Variants in LOXHD1 observed in about 807,000 individuals in gnomAD.
The protein encoded by LOXHD1 is lipoxygenase homology PLAT domains 1, also known as lipoxygenase homology domain-containing protein 1.
In LOXHD1, 205 loss-of-function variants were observed where a neutral mutation model predicts 248.2. That is an observed-to-expected ratio of 0.83 (90% confidence interval 0.74 to 0.93). LOXHD1 has a LOEUF of 0.93. Ranked by LOEUF, LOXHD1 falls within the 40% of genes least tolerant of loss-of-function variation. The pLI is 0.00. For missense variants in LOXHD1, 2,930 were observed against 2,971.6 expected (o/e 0.99, Z 0.33); for synonymous variants, 1,113 against 1,162.8 (o/e 0.96, Z 0.87).
At chr18:46,588,170 T>G (rs1255421000) in intron 12 of LOXHD1, among the ~76,000 whole-genome samples, 1 of 151,858 alleles carries the variant, frequency 6.6e-6, no homozygotes, top group East Asian at 1.9e-4. Context: ...AAAGGAGATA[T>G]GAGTACTTGT....
At chr18:46,517,503 T>C (rs2035317584) in intron 34 of LOXHD1, among the ~76,000 whole-genome samples, 1 of 152,186 alleles carries the variant, frequency 6.6e-6, no homozygotes, top group African/African-American at 2.4e-5. Flanking sequence ...ACATGACTTA[T>C]GATAGAACAA....
At chr18:46,512,634 A>T (rs1017849907) in intron 34 of LOXHD1, among the ~76,000 whole-genome samples, 1 of 152,224 alleles carries the variant, frequency 6.6e-6, no homozygotes, top group Non-Finnish European at 1.5e-5. Context: ...AGCTCTACTG[A>T]TGGGGCTCCA....
At chr18:46,514,470 G>T (rs12965976) in intron 34 of LOXHD1, among the ~76,000 whole-genome samples, 3 of 152,292 alleles carry the variant, frequency 2.0e-5, no homozygotes, top group African/African-American at 7.2e-5. Flanking sequence ...TAAGCCCTTT[G>T]CAGTCTCAGA....
At chr18:46,607,348 T>C (rs1300809793) in intron 6 of LOXHD1, among the ~76,000 whole-genome samples, 1 of 149,826 alleles carries the variant, frequency 6.7e-6, no homozygotes, top group Non-Finnish European at 1.5e-5. Flanking sequence ...CATGTACATA[T>C]ACATACATAT....
Position 46,507,710 on chromosome 18 carries a change from G to C in LOXHD1, c.5520C>G (p.Ile1840Met). 6.5e-7 allele frequency: 1 copy of C among 1,548,760 alleles called. No homozygotes were observed. Among genetic ancestry groups the C allele is most frequent in the South Asian group, 1.2e-5 (1 of 83,980 alleles). ...CTCCAGTGTTCATGTTCTTCAGTAG[G>C]ATCTGGGGGAGAGGGAGCCACCGTG... ...GSRPEWFLER[I>M]LLKNMNTGDL... Residue 1840 changes from isoleucine to methionine, a missense_variant and splice_region_variant, in exon 36 of 41, where the codon ATC becomes ATG. By Grantham distance (10) the Ile-to-Met change is conservative (BLOSUM62 1). Coordinates refer to ENST00000642948, the MANE Select transcript of LOXHD1 (RefSeq NM_001384474.1).
chr18:46,570,868 C>T lies in LOXHD1; in HGVS notation c.2047+1218G>A, dbSNP rs548261780. On this transcript the variant is annotated intron_variant, in intron 15 of 40. Coordinates refer to ENST00000642948, the MANE Select transcript of LOXHD1 (RefSeq NM_001384474.1). ...GTGGGTTGGACAAGCTTGATCTAAA[C>T]GCTTTCAGACGCTCTGACTGAGGAA... Among the ~76,000 whole-genome samples, 57 of 152,290 alleles carry T rather than the reference C, an allele frequency of 3.7e-4. 1 individual carries two copies. The highest frequency in any genetic ancestry group is 3.1e-3 in the South Asian group (15 of 4,824).
At position 46,601,212 on chromosome 18, in the gene LOXHD1, C is replaced by G; in HGVS notation, c.1134+5G>C. 6.5e-7 allele frequency: 1 copy of G among 1,549,974 alleles called. No homozygotes were observed. Among genetic ancestry groups the G allele is most frequent in the Non-Finnish European group, 8.7e-7 (1 of 1,145,706 alleles). On this transcript the variant is annotated splice_donor_5th_base_variant and intron_variant, in intron 8 of 40. Transcript: ENST00000642948. ...GGGAAGGCTGTCTCTGGGGGCATCC[C>G]TTACCTTCTCACAGAACCAGCCTCT...
intron 34 of LOXHD1, among the ~76,000 whole-genome samples, chr18:46,516,005 G>A (rs892531922): frequency 6.6e-6 from 1 of 152,176 alleles, no homozygotes; most frequent in Admixed American, 6.5e-5. Flanking sequence ...CAAAAATAAT[G>A]CTTCACTATA....
intron 17 of LOXHD1, among the ~76,000 whole-genome samples, chr18:46,564,715 T>G (rs1249443617): frequency 6.6e-6 from 1 of 152,222 alleles, no homozygotes; most frequent in African/African-American, 2.4e-5. Flanking sequence ...GTATCTATAC[T>G]ACTCTGATGG....
chr18:46,509,490 G>T (rs763227741), intron 35 of LOXHD1: 10 of 610,912 alleles, frequency 1.6e-5, no homozygotes, highest in Non-Finnish European at 2.7e-5. Flanking sequence ...CCTGACAGTT[G>T]CTTCAGTTCT....
intron 4 of LOXHD1, among the ~76,000 whole-genome samples, chr18:46,633,382 T>A (rs2038851943): frequency 6.6e-6 from 1 of 152,190 alleles, no homozygotes; most frequent in Non-Finnish European, 1.5e-5. Context: ...GAAGGGACAG[T>A]CTTTTCAACA....
chr18:46,573,182 C>T (rs1568194379), intron 14 of LOXHD1, among the ~76,000 whole-genome samples: 1 of 152,010 alleles, frequency 6.6e-6, no homozygotes, highest in Non-Finnish European at 1.5e-5. Context: ...AATTGCCTTC[C>T]AGGAGAAGCT....
At chr18:46,560,048 T>TGCCAAGCCC in intron 19 of LOXHD1, 35 bp downstream of exon 19, 1 of 1,226,298 alleles carries the variant, frequency 8.2e-7, no homozygotes, top group Non-Finnish European at 1.1e-6. Flanking sequence ...GTCTGGCCAC[T>TGCCAAGCCC]CCCTCCCCAC....
At chr18:46,605,309 G>A (rs530412074) in intron 6 of LOXHD1, among the ~76,000 whole-genome samples, 142 of 152,204 alleles carry the variant, frequency 9.3e-4, no homozygotes, top group African/African-American at 2.3e-3. Context: ...GGAGGATCAC[G>A]AGGTCAGGAG....
chr18:46,613,537 C>T (rs995629344), intron 5 of LOXHD1, among the ~76,000 whole-genome samples: 6 of 152,108 alleles, frequency 3.9e-5, no homozygotes, highest in East Asian at 3.9e-4. Flanking sequence ...ACCGTTATAG[C>T]TTTTATTTAT....
Position 46,489,007 on chromosome 18 carries a change from G to A in LOXHD1, c.6014C>T (p.Ala2005Val). The A allele has an allele frequency of 1.3e-6, 2 of 1,551,646 alleles. No individual in the cohort carries two copies. Among genetic ancestry groups the A allele is most frequent in the South Asian group, 1.2e-5 (1 of 84,046 alleles). Reference protein sequence around the residue: ...DGQTVRDFACANNKICDELEE... With the variant: ...DGQTVRDFACVNNKICDELEE... ...CAGCTCATCACAGATCTTGTTGTTG[G>A]CACAGGCAAAGTCGCGGACCGTCTG... Residue 2005 changes from alanine to valine, a missense_variant, in exon 38 of 41, where the codon GCC (alanine) becomes GTC (valine). By Grantham distance (64) the Ala-to-Val change is moderately conservative (BLOSUM62 0). Transcript: ENST00000642948.
chr18:46,650,165 T>C (rs1488399499), intron 1 of LOXHD1, among the ~76,000 whole-genome samples: 2 of 152,052 alleles, frequency 1.3e-5, no homozygotes, highest in South Asian at 2.1e-4. Context: ...GCTACTCATG[T>C]CTCCAAAATA....
intron 8 of LOXHD1, among the ~76,000 whole-genome samples, chr18:46,597,868 T>G (rs1339876196): frequency 6.6e-6 from 1 of 151,646 alleles, no homozygotes; most frequent in African/African-American, 2.4e-5. Flanking sequence ...GCTGTTCTCC[T>G]GTCTCAGCTT....
At chr18:46,585,822 T>C (rs2038049034) in intron 12 of LOXHD1, among the ~76,000 whole-genome samples, 1 of 152,154 alleles carries the variant, frequency 6.6e-6, no homozygotes, top group Non-Finnish European at 1.5e-5. Flanking sequence ...TAATAAGAAT[T>C]TAAAATGGTA....
Sources: allele counts gnomAD v4.1 joint callset (sites outside exome capture counted in the v4.1 genomes callset), GRCh38; gene constraint gnomAD v4.1.1; transcripts MANE v1.5; gene names NCBI Gene and HGNC (gene_info 2026-07-23, HGNC 2026-07-21).